Variants in HCRTR2 observed in about 807,000 individuals in gnomAD.
HCRTR2 encodes the protein orexin receptor type 2.
HCRTR2 carries 22 observed loss-of-function variants against 49.0 expected under a neutral mutation model. The observed-to-expected ratio is 0.45, with a 90% CI of 0.32 to 0.64. The LOEUF is 0.64. Among genes scored for constraint, HCRTR2 ranks in the 30% least tolerant of loss-of-function variants. HCRTR2 has a pLI of 0.04. For missense variants in HCRTR2, 491 were observed against 559.4 expected (o/e 0.88, Z 1.23); for synonymous variants, 236 against 205.3 (o/e 1.15, Z -1.28).
Position 55,259,222 on chromosome 6 carries a change from TAA to T in HCRTR2, c.646+3855_646+3856del, listed in dbSNP as rs11335998. The stretch of plus-strand genomic sequence containing the variant: ...ACTGACAAATTGTTCTTTGGTAGGC[TAA>T]AAAAAAAAAAATGGAACCATTTTTA... On this transcript the variant is annotated intron_variant, in intron 3 of 6. Transcript: ENST00000370862. Among the ~76,000 whole-genome samples the T allele has an allele frequency of 2.7e-3, 400 of 147,766 alleles. 1 individual carries two copies. The highest frequency in any genetic ancestry group is 9.6e-3 in the East Asian group (48 of 4,988).
chr6:55,164,367 A>G (rs1169582053), intron 1 of HCRTR2, among the ~76,000 whole-genome samples: 1 of 152,218 alleles, frequency 6.6e-6, no homozygotes, highest in Non-Finnish European at 1.5e-5. Context: ...AAGACTTGGA[A>G]CCAACCCAGA....
chr6:55,111,276 C>G (rs1764045009), intron 1 of HCRTR2, among the ~76,000 whole-genome samples: 1 of 151,942 alleles, frequency 6.6e-6, no homozygotes, highest in African/African-American at 2.4e-5. Flanking sequence ...GAAACAAGAA[C>G]AAACCAAACC....
chr6:55,238,294 A>T (rs1243863550), intron 1 of HCRTR2, among the ~76,000 whole-genome samples: 1 of 151,942 alleles, frequency 6.6e-6, no homozygotes, highest in Non-Finnish European at 1.5e-5. Flanking sequence ...TGATATTTCA[A>T]CCTCGTTATT....
intron 1 of HCRTR2, chr6:55,106,639 G>A (rs539525147): frequency 2.0e-5 from 3 of 151,888 alleles, no homozygotes; most frequent in Admixed American, 1.3e-4. Context: ...TTTAGAAATC[G>A]TCCTAAGGAA....
chr6:55,253,614 C>T (rs112757526), intron 2 of HCRTR2, among the ~76,000 whole-genome samples: 9,644 of 152,036 alleles, frequency 0.063, 462 homozygotes, highest in African/African-American at 0.14. Flanking sequence ...ATAACAAAAA[C>T]GTGGAATCAA....
chr6:55,232,026 C>T (rs9357850), intron 1 of HCRTR2, among the ~76,000 whole-genome samples: 27,617 of 152,106 alleles, frequency 0.18, 2,883 homozygotes, highest in Non-Finnish European at 0.24. Flanking sequence ...TCCTAACCCA[C>T]TTTCCTAAAC....
intron 3 of HCRTR2, 21 bp downstream of exon 3, chr6:55,255,400 C>T: frequency 6.2e-7 from 1 of 1,613,440 alleles, no homozygotes; most frequent in Non-Finnish European, 8.5e-7. Flanking sequence ...TATGGCCCAT[C>T]AACTGACATT....
chr6:55,208,910 C>T (rs1765651074), intron 1 of HCRTR2, among the ~76,000 whole-genome samples: 1 of 152,058 alleles, frequency 6.6e-6, no homozygotes, highest in Non-Finnish European at 1.5e-5. Context: ...AGTCAAGGCC[C>T]AAATGTGGAT....
chr6:55,174,152 C>G (rs1220971762), upstream of HCRTR2: 1 of 214,266 alleles, frequency 4.7e-6, no homozygotes, highest in Non-Finnish European at 9.5e-6. Context: ...AACTCTCACC[C>G]CCCACCCCCC....
intron 2 of HCRTR2, among the ~76,000 whole-genome samples, chr6:55,251,355 A>T (rs1362691908): frequency 1.3e-5 from 2 of 152,168 alleles, no homozygotes; most frequent in Admixed American, 6.6e-5. Flanking sequence ...AAGTCTCACA[A>T]ATGTTATAAA....
intron 1 of HCRTR2, among the ~76,000 whole-genome samples, chr6:55,136,919 G>A (rs1052045806): frequency 1.3e-5 from 2 of 152,256 alleles, no homozygotes; most frequent in South Asian, 2.1e-4. Context: ...TGTGTCCTCA[G>A]TTGCTGATAC....
At chr6:55,117,297 T>C (rs1231346142) in intron 1 of HCRTR2, among the ~76,000 whole-genome samples, 1 of 151,858 alleles carries the variant, frequency 6.6e-6, no homozygotes, top group Non-Finnish European at 1.5e-5. Flanking sequence ...AGTATCATGG[T>C]AGCTATTTCA....
chr6:55,152,166 G>T (rs923821370), intron 1 of HCRTR2, among the ~76,000 whole-genome samples: 11 of 151,746 alleles, frequency 7.2e-5, no homozygotes, highest in Non-Finnish European at 2.9e-5. Context: ...TTCCATAGTG[G>T]TCACATCAAT....
intron 1 of HCRTR2, among the ~76,000 whole-genome samples, chr6:55,118,770 CTTAT>C (rs112088841): frequency 1.5e-4 from 22 of 150,702 alleles, no homozygotes; most frequent in African/African-American, 3.6e-4. Flanking sequence ...TGTAAATTTT[CTTAT>C]TTATTTATTT....
intron 1 of HCRTR2, among the ~76,000 whole-genome samples, chr6:55,142,265 C>T (rs576463460): frequency 9.2e-5 from 14 of 151,878 alleles, no homozygotes; most frequent in Middle Eastern, 3.4e-3. Context: ...GGCACGATCT[C>T]GGCTCACTGC....
intron 1 of HCRTR2, among the ~76,000 whole-genome samples, chr6:55,118,549 C>G (rs540359892): frequency 3.0e-4 from 45 of 151,968 alleles, no homozygotes; most frequent in Non-Finnish European, 5.9e-4. Flanking sequence ...TCTCCACAAC[C>G]GTGCCAGCAT....
chr6:55,234,575 A>G (rs1337976759), intron 1 of HCRTR2, among the ~76,000 whole-genome samples: 2 of 152,192 alleles, frequency 1.3e-5, no homozygotes, highest in African/African-American at 4.8e-5. Context: ...CTTCTGTAAG[A>G]TAATGAAAGC....
chr6:55,124,494 G>C (rs143641143), intron 1 of HCRTR2, among the ~76,000 whole-genome samples: 1 of 151,832 alleles, frequency 6.6e-6, no homozygotes, highest in Non-Finnish European at 1.5e-5. Flanking sequence ...TGCAATTTCC[G>C]TTCTTTTGCA....
intron 1 of HCRTR2, among the ~76,000 whole-genome samples, chr6:55,238,639 A>G (rs2127304018): frequency 6.6e-6 from 1 of 152,330 alleles, no homozygotes; most frequent in Non-Finnish European, 1.5e-5. Context: ...CTATAAGATG[A>G]AAACAGTTGT....
Sources: allele counts gnomAD v4.1 joint callset (sites outside exome capture counted in the v4.1 genomes callset), GRCh38; gene constraint gnomAD v4.1.1; transcripts MANE v1.5; gene names NCBI Gene and HGNC (gene_info 2026-07-23, HGNC 2026-07-21).